CACNA1D: variants seen among roughly 807,000 people sequenced by gnomAD.
The protein encoded by CACNA1D is voltage-dependent L-type calcium channel subunit alpha-1D.
In CACNA1D, 55 loss-of-function variants were observed where a neutral mutation model predicts 257.1. That is an observed-to-expected ratio of 0.21 (90% confidence interval 0.17 to 0.27). The LOEUF is 0.27. Ranked by LOEUF, CACNA1D falls within the 10% of genes least tolerant of loss-of-function variation. CACNA1D has a pLI of 1.00. For missense variants in CACNA1D, 1,876 were observed against 2,784.0 expected, an observed-to-expected ratio of 0.67 and a Z score of 7.34; for synonymous variants, 980 against 1,014.9, an observed-to-expected ratio of 0.97 and a Z score of 0.65.
intron 20 of CACNA1D, 28 bp from the exon 21 acceptor site, chr3:53,740,252 T>A (rs2095102899): frequency 1.3e-6 from 2 of 1,556,778 alleles, no homozygotes; most frequent in South Asian, 1.1e-5. Context: ...GAATTCCTTT[T>A]CTCACTCCCA....
chr3:53,732,489 G>T (rs909091590), intron 18 of CACNA1D, among the ~76,000 whole-genome samples: 1 of 152,204 alleles, frequency 6.6e-6, no homozygotes, highest in African/African-American at 2.4e-5. Context: ...GAGCGAGGAG[G>T]TTACTGGGGA....
rs764773584 is a variant in CACNA1D, at chr3:53,497,294, C to G, written c.210C>G (p.Ser70Arg). The change falls in exon 2 of 48, where the codon AGC becomes AGG. Residue 70 changes from serine (S) to arginine (R), a missense_variant. By Grantham distance (110) the Ser-to-Arg change is moderately radical (BLOSUM62 -1). Transcript: ENST00000350061. ...ARQAKAAQTMSTSAPPPVGSL... is the reference protein window; with the variant it reads ...ARQAKAAQTMRTSAPPPVGSL... ...AGGCCAAGGCTGCCCAAACTATGAG[C>G]ACCTCTGCACCCCCACCTGTAGGAT... 3 of 1,614,106 alleles carry G rather than the reference C, an allele frequency of 1.9e-6. No homozygotes were observed. The highest frequency in any genetic ancestry group is 4.5e-5 in the East Asian group (2 of 44,874).
chr3:53,760,151 G>C (rs752223956), intron 29 of CACNA1D, among the ~76,000 whole-genome samples: 2 of 152,100 alleles, frequency 1.3e-5, no homozygotes, highest in African/African-American at 2.4e-5. Flanking sequence ...GCGGTTGGGT[G>C]GGGGAATCTT....
intron 5 of CACNA1D, among the ~76,000 whole-genome samples, chr3:53,662,196 G>A (rs2094210181): frequency 6.6e-6 from 1 of 152,198 alleles, no homozygotes; most frequent in Admixed American, 6.5e-5. Flanking sequence ...ATAATTTTGT[G>A]TGCATGTGTG....
chr3:53,652,460 G>C lies in CACNA1D; in HGVS notation c.623+1542G>C, dbSNP rs1236963312. Among the ~76,000 whole-genome samples the C allele has an allele frequency of 5.9e-5, 9 of 152,264 alleles. 1 individual carries two copies. The South Asian group carries it at 1.9e-3, about 32-fold the overall frequency. On this transcript the variant is annotated intron_variant, in intron 4 of 47. Transcript: ENST00000350061. ...ATGCCTTAGAGTACTCTTCAGTTTTGGCTGAGGGCTAAGCTACGCCTACAC... is the reference window on the plus strand; with the variant it reads ...ATGCCTTAGAGTACTCTTCAGTTTTCGCTGAGGGCTAAGCTACGCCTACAC...
In CACNA1D at chr3:53,673,192, T is replaced by C. The variant is rs2094342492; in HGVS notation, c.1220+66T>C. 9.7e-6 allele frequency: 11 copies of C among 1,130,124 alleles called. No homozygotes were observed. The highest frequency in any genetic ancestry group is 1.4e-5 in the Non-Finnish European group (11 of 766,302). The allele number at this position is 1,130,124 out of a possible 1,614,324, so 70.0% of individuals were successfully genotyped here. A position where few individuals can be genotyped will look rare whatever the true frequency, so the allele number is the denominator to read the frequency against. On this transcript the variant is annotated intron_variant, in intron 8 of 47. Transcript: ENST00000350061. This position sits in a 1 kb window ranked among gnomAD's most constrained non-coding sequence, Gnocchi z 4.1. Reference sequence around the variant, plus strand: ...GACAGTTGCCAAGACCACACAAGCTTTGCTGGATGAGGGCCGCCAAGAGGG... The same window carrying C: ...GACAGTTGCCAAGACCACACAAGCTCTGCTGGATGAGGGCCGCCAAGAGGG...
At chr3:53,621,560 G>C (rs543980887) in intron 3 of CACNA1D, among the ~76,000 whole-genome samples, 1 of 152,116 alleles carries the variant, frequency 6.6e-6, no homozygotes, top group African/African-American at 2.4e-5. Context: ...AAAGGACTTA[G>C]GTATAAACAA....
intron 29 of CACNA1D, 90 bp from the exon 30 acceptor site, chr3:53,761,908 C>T (rs182239918): frequency 3.3e-5 from 29 of 891,652 alleles, no homozygotes; most frequent in South Asian, 5.3e-5. Flanking sequence ...GCCATGGGTG[C>T]GGCAGGGACT....
chr3:53,745,560 G>A (rs2095160359), intron 23 of CACNA1D, 64 bp from the exon 24 acceptor site: 1 of 1,011,718 alleles, frequency 9.9e-7, no homozygotes, highest in East Asian at 2.4e-5. Flanking sequence ...ACTGTCGGCT[G>A]ATGTTAGCTC....
At chr3:53,753,789 G>A (rs920499701) in intron 29 of CACNA1D, 107 bp downstream of exon 29, 20 of 746,302 alleles carry the variant, frequency 2.7e-5, no homozygotes, top group African/African-American at 1.2e-4. Context: ...TGTTCTGGCC[G>A]CTAACTGGGT....
intron 43 of CACNA1D, among the ~76,000 whole-genome samples, chr3:53,803,208 A>G (rs1467538403): frequency 6.6e-6 from 1 of 152,176 alleles, no homozygotes; most frequent in Non-Finnish European, 1.5e-5. Context: ...GCACTGAGAG[A>G]GACCCTATCC....
chr3:53,764,476 T>C (rs1441936978), intron 30 of CACNA1D, among the ~76,000 whole-genome samples: 3 of 152,256 alleles, frequency 2.0e-5, no homozygotes, highest in Non-Finnish European at 4.4e-5. Context: ...CTTCAAGTGC[T>C]GTGCAGGTGG....
chr3:53,702,016 G>A (rs926283497), intron 8 of CACNA1D, among the ~76,000 whole-genome samples: 1 of 152,140 alleles, frequency 6.6e-6, no homozygotes, highest in Non-Finnish European at 1.5e-5. Context: ...TTCCCATCTG[G>A]GAAGGGAGAA....
intron 3 of CACNA1D, among the ~76,000 whole-genome samples, chr3:53,563,188 ATCCTCTG>A (rs1417656983): frequency 6.6e-6 from 1 of 152,100 alleles, no homozygotes; most frequent in Non-Finnish European, 1.5e-5. Context: ...GTCCATCCTT[ATCCTCTG>A]TCCCCCTCCC....
intron 43 of CACNA1D, 50 bp from the exon 44 acceptor site, chr3:53,803,373 G>A (rs768406155): frequency 6.2e-7 from 1 of 1,610,204 alleles, no homozygotes; most frequent in African/African-American, 1.3e-5. Context: ...GCTGCAGCAG[G>A]AATTATCTGC....
chr3:53,662,707 C>T (rs189141308), intron 5 of CACNA1D, among the ~76,000 whole-genome samples: 89 of 152,268 alleles, frequency 5.8e-4, no homozygotes, highest in African/African-American at 2.1e-3. Flanking sequence ...TGAGATCTAC[C>T]GTACATGTTG....
At chr3:53,504,290 C>G (rs150691474) in intron 3 of CACNA1D, among the ~76,000 whole-genome samples, 1 of 151,880 alleles carries the variant, frequency 6.6e-6, no homozygotes, top group Admixed American at 6.6e-5. Flanking sequence ...TGCAGTTGAG[C>G]GATAGAGTGA....
Position 53,673,266 on chromosome 3 carries a change from G to A in CACNA1D, c.1220+140G>A. On this transcript the variant is annotated intron_variant, in intron 8 of 47. Coordinates refer to ENST00000350061, the MANE Select transcript of CACNA1D (RefSeq NM_001128840.3). The surrounding 1 kb of genome is among the most constrained non-coding windows in gnomAD (Gnocchi z 4.1). ...TCTGAGATGCTTTCTTTTCTGCTGA[G>A]GCTTCCCAAATCAAGCTGTTTCCTG... 3.2e-6 allele frequency: 2 copies of A among 630,398 alleles called. No individual in the cohort carries two copies. The highest frequency in any genetic ancestry group is 4.0e-5 in the South Asian group (2 of 49,794). 39.1% of individuals were successfully genotyped at this position (630,398 alleles called of 1,614,324 possible).
intron 4 of CACNA1D, among the ~76,000 whole-genome samples, chr3:53,653,864 T>C (rs1278264015): frequency 5.0e-5 from 2 of 40,238 alleles, no homozygotes; most frequent in African/African-American, 2.0e-4. Context: ...AAAATAAACA[T>C]GAAAAAAGCC....
Sources: gnomAD v4.1 joint callset for allele counts (sites outside exome capture counted in the v4.1 genomes callset) on GRCh38, gnomAD v4.1.1 for gene constraint, Gnocchi (gnomAD v3.1) non-coding constraint, MANE v1.5 for transcripts, NCBI Gene and HGNC (gene_info 2026-07-23, HGNC 2026-07-21) for gene names.